SH3KBP1: variants seen among roughly 807,000 people sequenced by gnomAD.
SH3KBP1 encodes the protein SH3 domain-containing kinase-binding protein 1.
In SH3KBP1, 8 loss-of-function variants were observed where a neutral mutation model predicts 50.1. The ratio of observed to expected loss-of-function variants is 0.16; its 90% CI spans 0.09 to 0.29. The LOEUF is 0.29. Among genes scored for constraint, SH3KBP1 ranks in the 10% least tolerant of loss-of-function variants. The pLI is 1.00. For synonymous variants in SH3KBP1, 227 were observed against 218.6 expected, an observed-to-expected ratio of 1.04 and a Z score of -0.34; for missense variants, 377 against 535.2, an observed-to-expected ratio of 0.70 and a Z score of 2.92.
chrX:19,788,269 CA>C (rs1227301099), intron 2 of SH3KBP1, among the ~76,000 whole-genome samples: 1,521 of 25,555 alleles, frequency 0.06, 66 homozygotes, highest in African/African-American at 0.14. Context: ...ATTCTATCTC[CA>C]AAAAAAAAAA....
intron 3 of SH3KBP1, among the ~76,000 whole-genome samples, chrX:19,720,564 T>G (rs1321814240): frequency 8.9e-6 from 1 of 112,128 alleles, no homozygotes; most frequent in Admixed American, 9.4e-5. Context: ...GAAGGAAGGT[T>G]CTAAATGTAA....
At chrX:19,731,065 G>A (rs772273897) in intron 3 of SH3KBP1, among the ~76,000 whole-genome samples, 1 of 111,157 alleles carries the variant, frequency 9.0e-6, no homozygotes, top group East Asian at 2.8e-4. Flanking sequence ...TCAGCCTCCC[G>A]AGTAGCTGGG....
intron 10 of SH3KBP1, among the ~76,000 whole-genome samples, chrX:19,593,667 G>A (rs373886642): frequency 3.4e-4 from 38 of 110,446 alleles, no homozygotes; most frequent in African/African-American, 1.2e-3. Context: ...TAATGAAGTC[G>A]GTATCATTCC....
chrX:19,573,898 TGA>T (rs953627114), intron 12 of SH3KBP1, among the ~76,000 whole-genome samples: 1 of 111,453 alleles, frequency 9.0e-6, no homozygotes, highest in African/African-American at 3.3e-5. Context: ...CTCTGGAACT[TGA>T]GTGCTTCATC....
In SH3KBP1 at chrX:19,746,324, T is replaced by G; in HGVS notation, c.280A>C (p.Lys94Gln). 1 of 1,210,742 alleles carries G rather than the reference T, an allele frequency of 8.3e-7. No individual in the cohort carries two copies. The highest frequency in any genetic ancestry group is 1.1e-6 in the Non-Finnish European group (1 of 895,074). The stretch of plus-strand genomic sequence containing the variant: ...TCTTTTTCCTTTTCCATACCTCTCT[T>G]ATTGGTTCTTAAAATCGTTTCAGAA... ...LSSETILRTN[K>Q]RGERRRRRCQ... The change falls in exon 3 of 18, where the codon AAG (lysine) becomes CAG (glutamine). Residue 94 changes from lysine to glutamine, a missense_variant. This residue lies in a region of SH3KBP1 where 257 missense variants were observed against 374.2 expected (regional missense o/e 0.69). Coordinates refer to ENST00000397821, the MANE Select transcript of SH3KBP1 (RefSeq NM_031892.3).
chrX:19,778,195 G>A (rs2066042756), intron 2 of SH3KBP1, among the ~76,000 whole-genome samples: 1 of 111,165 alleles, frequency 9.0e-6, no homozygotes, highest in African/African-American at 3.3e-5. Context: ...CACTTTGGGA[G>A]GCCAAGGCGG....
chrX:19,722,409 T>G (rs1242917797), intron 3 of SH3KBP1, among the ~76,000 whole-genome samples: 1 of 111,316 alleles, frequency 9.0e-6, no homozygotes, highest in Non-Finnish European at 1.9e-5. Flanking sequence ...TCTGACTACT[T>G]AAATTCTGGA....
intron 3 of SH3KBP1, among the ~76,000 whole-genome samples, chrX:19,724,056 G>GT (rs893334828): frequency 6.3e-5 from 7 of 111,733 alleles, no homozygotes; most frequent in Non-Finnish European, 1.1e-4. Context: ...AAGGTGCAAA[G>GT]GTGTATTTTT....
At chrX:19,832,871 C>G (rs1378412212) in intron 2 of SH3KBP1, among the ~76,000 whole-genome samples, 1 of 112,085 alleles carries the variant, frequency 8.9e-6, no homozygotes, top group Non-Finnish European at 1.9e-5. Context: ...CAGGTTCCAG[C>G]TCTCGCGTGG....
At chrX:19,870,862 C>T (rs181720448) in intron 1 of SH3KBP1, among the ~76,000 whole-genome samples, 25 of 111,779 alleles carry the variant, frequency 2.2e-4, no homozygotes, top group Admixed American at 7.6e-4. Flanking sequence ...GTGCCTGTCA[C>T]ATCACCAAGC....
intron 8 of SH3KBP1, among the ~76,000 whole-genome samples, chrX:19,625,672 T>C (rs1367999843): frequency 2.7e-5 from 3 of 112,082 alleles, no homozygotes; most frequent in Non-Finnish European, 5.6e-5. Context: ...ATGGTAATAC[T>C]GTTTTTCTGC....
intron 2 of SH3KBP1, among the ~76,000 whole-genome samples, chrX:19,760,041 C>CCTCTCTCTCTCTCTCTCTCTCTCTCTCT (rs745515349): frequency 1.8e-4 from 9 of 50,451 alleles, no homozygotes; most frequent in African/African-American, 3.7e-4. Context: ...TCTCTCTCTC[C>CCTCTCTCTCTCTCTCTCTCTCTCTCTCT]CTCTCTCTCT....
chrX:19,554,075 TTATA>T (rs1345549058), intron 13 of SH3KBP1, among the ~76,000 whole-genome samples: 1 of 56,607 alleles, frequency 1.8e-5, no homozygotes, highest in Non-Finnish European at 2.8e-5. Context: ...TTAAAATACA[TTATA>T]TATATTAAAA....
intron 5 of SH3KBP1, among the ~76,000 whole-genome samples, chrX:19,691,241 G>A (rs1422441287): frequency 9.3e-6 from 1 of 107,087 alleles, no homozygotes; most frequent in Non-Finnish European, 1.9e-5. Context: ...CAGACATTAT[G>A]AGCCTCCAAG....
intron 2 of SH3KBP1, among the ~76,000 whole-genome samples, chrX:19,804,211 G>A (rs2147249817): frequency 9.0e-6 from 1 of 111,261 alleles, no homozygotes; most frequent in Admixed American, 9.5e-5. Context: ...AAACCCAGGA[G>A]CGTAGGAAAG....
intron 3 of SH3KBP1, among the ~76,000 whole-genome samples, chrX:19,742,892 T>G (rs1238897226): frequency 8.9e-6 from 1 of 112,151 alleles, no homozygotes; most frequent in African/African-American, 3.2e-5. Context: ...ACATCCATGC[T>G]GCAAGTTTAA....
At position 19,740,782 on chromosome X, in the gene SH3KBP1, T is replaced by A. The variant is rs144372160; in HGVS notation, c.286+5536A>T. ...ACTTCTTTCCATCCTTTGTTAACAG[T>A]TTCATTTCTGCCAAAGAGCTCACGG... On this transcript the variant is annotated intron_variant, in intron 3 of 17. Transcript: ENST00000397821. 6.6e-3 allele frequency: 2,182 copies of A among 329,381 alleles called. 41 individuals are homozygous for A. Among genetic ancestry groups the A allele is most frequent in the African/African-American group, 0.053 (1,979 of 37,655 alleles). The allele number at this position is 329,381 out of a possible 1,213,427, so 27.1% of individuals were successfully genotyped here. A position where few individuals can be genotyped will look rare whatever the true frequency, so the allele number is the denominator to read the frequency against.
intron 2 of SH3KBP1, among the ~76,000 whole-genome samples, chrX:19,832,114 C>T (rs2067913680): frequency 8.9e-6 from 1 of 112,171 alleles, no homozygotes; most frequent in Non-Finnish European, 1.9e-5. Flanking sequence ...CTACAAGTAG[C>T]GCAGCCCCAG....
chrX:19,836,632 C>T (rs1013434355), intron 1 of SH3KBP1, among the ~76,000 whole-genome samples: 4 of 111,665 alleles, frequency 3.6e-5, no homozygotes, highest in African/African-American at 1.3e-4. Flanking sequence ...CAACAGATGT[C>T]GGTTTGACTT....
Sources: gnomAD v4.1 joint callset for allele counts (sites outside exome capture counted in the v4.1 genomes callset) on GRCh38, gnomAD v4.1.1 for gene constraint, gnomAD v4.1.1 regional missense constraint, MANE v1.5 for transcripts, NCBI Gene and HGNC (gene_info 2026-07-23, HGNC 2026-07-21) for gene names.